GALNT14: variants seen among roughly 807,000 people sequenced by gnomAD.
GALNT14 encodes polypeptide N-acetylgalactosaminyltransferase 14.
A neutral mutation model predicts 77.5 loss-of-function variants in GALNT14; 60 were observed. That is an observed-to-expected ratio of 0.77 (90% CI 0.63 to 0.96). The LOEUF is 0.96. Among genes scored for constraint, GALNT14 ranks in the 40% least tolerant of loss-of-function variants. The pLI is 0.00. For missense variants in GALNT14, 710 were observed against 731.0 expected (o/e 0.97, Z 0.33); for synonymous variants, 280 against 281.7 (o/e 0.99, Z 0.06).
chr2:30,971,719 C>T (rs899826519), intron 2 of GALNT14, among the ~76,000 whole-genome samples: 1 of 152,132 alleles, frequency 6.6e-6, no homozygotes. Context: ...CCTCTTTCCT[C>T]TGCACAGTCA....
At chr2:31,048,881 G>A (rs962746046) in intron 1 of GALNT14, among the ~76,000 whole-genome samples, 12 of 152,128 alleles carry the variant, frequency 7.9e-5, no homozygotes, top group African/African-American at 2.7e-4. Flanking sequence ...CCACTCATCA[G>A]GATTCAAGCC....
chr2:30,958,350 G>A, intron 4 of GALNT14, 47 bp downstream of exon 4: 1 of 1,522,974 alleles, frequency 6.6e-7, no homozygotes. Context: ...CAGAGTGGCT[G>A]GGAACAGACA....
At chr2:30,971,120 A>G (rs1287473755) in intron 2 of GALNT14, among the ~76,000 whole-genome samples, 2 of 152,144 alleles carry the variant, frequency 1.3e-5, no homozygotes, top group Non-Finnish European at 2.9e-5. Flanking sequence ...AACAAGGTTG[A>G]GAGTCTGAGA....
At chr2:31,122,565 T>A (rs1678466440) in intron 1 of GALNT14, among the ~76,000 whole-genome samples, 1 of 152,204 alleles carries the variant, frequency 6.6e-6, no homozygotes, top group African/African-American at 2.4e-5. Context: ...ATGCAGACTT[T>A]GAATCAGTAG....
chr2:30,896,928 C>G, the GALNT14 span, among the ~76,000 whole-genome samples: 32 of 152,216 alleles, frequency 2.1e-4, no homozygotes, highest in Non-Finnish European at 4.1e-4. Flanking sequence ...TTAACAGGCC[C>G]CGCCTTCTCC....
At chr2:30,930,818 C>T (rs1014892751) in intron 10 of GALNT14, among the ~76,000 whole-genome samples, 13 of 152,352 alleles carry the variant, frequency 8.5e-5, no homozygotes, top group African/African-American at 3.1e-4. Context: ...TTCCACTGAC[C>T]TAGCCATTAG....
intron 1 of GALNT14, among the ~76,000 whole-genome samples, chr2:31,057,529 G>C (rs987754598): frequency 1.3e-5 from 2 of 151,316 alleles, no homozygotes; most frequent in Non-Finnish European, 2.9e-5. Flanking sequence ...ACGGCACCAG[G>C]CCTGGCTCTA....
chr2:31,010,274 C>T (rs1263779009), intron 1 of GALNT14, among the ~76,000 whole-genome samples: 2 of 152,160 alleles, frequency 1.3e-5, no homozygotes, highest in African/African-American at 2.4e-5. Context: ...AGGCGTGAAC[C>T]ACTGCGCCTG....
At chr2:30,963,935 T>C (rs549124744) in intron 3 of GALNT14, among the ~76,000 whole-genome samples, 29 of 152,306 alleles carry the variant, frequency 1.9e-4, no homozygotes, top group African/African-American at 6.0e-4. Flanking sequence ...TACTGAGCCA[T>C]TGGGAGGTTA....
At chr2:30,905,431 C>T in the GALNT14 span, among the ~76,000 whole-genome samples, 817 of 151,802 alleles carry the variant, frequency 5.4e-3, 6 homozygotes, top group African/African-American at 0.018. Context: ...CCTCAGGAGC[C>T]GATGCGATCA....
At chr2:31,051,230 A>T (rs911166158) in intron 1 of GALNT14, among the ~76,000 whole-genome samples, 3 of 152,174 alleles carry the variant, frequency 2.0e-5, no homozygotes, top group African/African-American at 7.2e-5. Context: ...ATGACGGTGA[A>T]TGTTATGCAT....
downstream of GALNT14, among the ~76,000 whole-genome samples, chr2:30,909,269 G>C (rs1380964669): frequency 6.7e-6 from 1 of 149,634 alleles, no homozygotes; most frequent in Non-Finnish European, 1.5e-5. Context: ...AGAGTGAACA[G>C]GCAACCTACA....
the GALNT14 span, among the ~76,000 whole-genome samples, chr2:30,886,981 G>T: frequency 6.6e-6 from 1 of 152,222 alleles, no homozygotes; most frequent in Non-Finnish European, 1.5e-5. Flanking sequence ...TATTTCATAT[G>T]AATGGAATCA....
intron 1 of GALNT14, among the ~76,000 whole-genome samples, chr2:31,090,025 G>T (rs1676651715): frequency 6.6e-6 from 1 of 152,126 alleles, no homozygotes. Context: ...CTGGCAACTG[G>T]GACACCATGG....
intron 1 of GALNT14, among the ~76,000 whole-genome samples, chr2:31,090,805 C>T (rs1350094521): frequency 6.6e-6 from 1 of 152,058 alleles, no homozygotes; most frequent in East Asian, 1.9e-4. Context: ...GCAGTCCCTT[C>T]ATCTTTAAGG....
At chr2:31,028,666 G>A (rs1558506361) in intron 1 of GALNT14, among the ~76,000 whole-genome samples, 1 of 152,244 alleles carries the variant, frequency 6.6e-6, no homozygotes, top group Non-Finnish European at 1.5e-5. Flanking sequence ...GGCTATTTAT[G>A]AGCCTCCAAC....
At position 30,988,265 on chromosome 2, in the gene GALNT14, C is replaced by A. The variant is rs182480827; in HGVS notation, c.299+4573G>T. Among the ~76,000 whole-genome samples, 445 of 152,320 alleles carry A rather than the reference C, an allele frequency of 2.9e-3. 16 individuals carry two copies. In the South Asian group the frequency reaches 0.048, roughly 17 times the overall value. ...CAGAGGGCAACTGATATCAGTAGGA[C>A]CTTAGCTGCAAGGCATGATGGGAAC... On this transcript the variant is annotated intron_variant, in intron 2 of 14. Transcript: ENST00000349752.
intron 1 of GALNT14, among the ~76,000 whole-genome samples, chr2:31,131,830 A>G (rs1484100361): frequency 1.3e-5 from 2 of 152,186 alleles, no homozygotes; most frequent in Non-Finnish European, 2.9e-5. Context: ...TGATACAACC[A>G]GATGGGCAGC....
At position 30,936,940 on chromosome 2, in the gene GALNT14, G is replaced by A. The variant is rs916203904; in HGVS notation, c.932-4746C>T. On this transcript the variant is annotated intron_variant, in intron 9 of 14. Coordinates refer to ENST00000349752, the MANE Select transcript of GALNT14 (RefSeq NM_024572.4). The stretch of plus-strand genomic sequence containing the variant: ...AGTGTCTGATGGGACTCAATTACAC[G>A]TAGGGAAGTTGAGAAGCAGCAGGAA... Among the ~76,000 whole-genome samples, 5 of 152,176 alleles carry A rather than the reference G, an allele frequency of 3.3e-5. No homozygotes were observed. The East Asian group carries it at 7.7e-4, about 23-fold the overall frequency.
Sources: allele counts gnomAD v4.1 joint callset (sites outside exome capture counted in the v4.1 genomes callset), GRCh38; gene constraint gnomAD v4.1.1; transcripts MANE v1.5; gene names NCBI Gene and HGNC (gene_info 2026-07-23, HGNC 2026-07-21).